TSPAN5: variants seen among roughly 807,000 people sequenced by gnomAD.
The protein encoded by TSPAN5 is tetraspanin 5.
In TSPAN5, 10 loss-of-function variants were observed where a neutral mutation model predicts 37.1. That is an observed-to-expected ratio of 0.27 (90% CI 0.17 to 0.46). The LOEUF (loss-of-function observed/expected upper bound fraction) is 0.46, where lower values mean the gene tolerates loss of function less well. TSPAN5 is among the 20% of genes least tolerant of loss of function. The pLI is 1.00. For missense variants in TSPAN5, 195 were observed against 326.6 expected, an observed-to-expected ratio of 0.60 and a Z score of 3.11; for synonymous variants, 110 against 118.9, an observed-to-expected ratio of 0.93 and a Z score of 0.48.
intron 2 of TSPAN5, chr4:98,500,401 A>G (rs769127950): frequency 6.6e-6 from 1 of 152,338 alleles, no homozygotes; most frequent in Non-Finnish European, 1.5e-5. Flanking sequence ...CCAAGGAGAA[A>G]AGCAATATGG....
intron 1 of TSPAN5, among the ~76,000 whole-genome samples, chr4:98,537,787 T>C (rs114856580): frequency 2.7e-3 from 413 of 152,318 alleles, no homozygotes; most frequent in Middle Eastern, 6.8e-3. Flanking sequence ...ATGGCTTCCA[T>C]CCACACCCCT....
chr4:98,477,805 T>A (rs1752740143), intron 5 of TSPAN5, among the ~76,000 whole-genome samples: 1 of 151,828 alleles, frequency 6.6e-6, no homozygotes, highest in South Asian at 2.1e-4. Context: ...ACCACGGGTG[T>A]GTGCCACCAC....
At chr4:98,543,777 A>T (rs1754412378) in intron 1 of TSPAN5, among the ~76,000 whole-genome samples, 1 of 152,098 alleles carries the variant, frequency 6.6e-6, no homozygotes, top group Non-Finnish European at 1.5e-5. Context: ...CAAATAATGC[A>T]TACCTTGAGA....
At chr4:98,475,738 C>T (rs928724061) in intron 7 of TSPAN5, among the ~76,000 whole-genome samples, 1 of 152,088 alleles carries the variant, frequency 6.6e-6, no homozygotes, top group Non-Finnish European at 1.5e-5. Context: ...TCCTGTAATC[C>T]CAGCACTTTG....
At chr4:98,589,350 G>A (rs1477674497) in intron 1 of TSPAN5, among the ~76,000 whole-genome samples, 2 of 152,204 alleles carry the variant, frequency 1.3e-5, no homozygotes, top group Admixed American at 1.3e-4. Flanking sequence ...AAGCATGACT[G>A]AGACCCAGAT....
chr4:98,554,801 C>T (rs1467170574), intron 1 of TSPAN5, among the ~76,000 whole-genome samples: 1 of 152,168 alleles, frequency 6.6e-6, no homozygotes, highest in Non-Finnish European at 1.5e-5. Flanking sequence ...ATTATAAGAA[C>T]CTTCTGAAAG....
intron 1 of TSPAN5, among the ~76,000 whole-genome samples, chr4:98,510,325 G>A (rs930325495): frequency 2.0e-5 from 3 of 152,128 alleles, no homozygotes; most frequent in Admixed American, 6.5e-5. Flanking sequence ...AAAAGTTGAG[G>A]CATTCAGGCT....
chr4:98,638,422 T>C (rs1023984698), intron 1 of TSPAN5, among the ~76,000 whole-genome samples: 8 of 152,152 alleles, frequency 5.3e-5, no homozygotes, highest in Non-Finnish European at 1.2e-4. Context: ...TGAACCATAC[T>C]TTGTGGGGGA....
chr4:98,519,440 T>C (rs1239933704), intron 1 of TSPAN5, among the ~76,000 whole-genome samples: 2 of 151,932 alleles, frequency 1.3e-5, no homozygotes, highest in East Asian at 1.9e-4. Flanking sequence ...CAAGGTTACA[T>C]TGAGGTATGA....
intron 1 of TSPAN5, among the ~76,000 whole-genome samples, chr4:98,517,089 C>CT (rs1753753201): frequency 6.6e-6 from 1 of 152,202 alleles, no homozygotes; most frequent in Non-Finnish European, 1.5e-5. Flanking sequence ...AGATCAATTG[C>CT]TTTCATGCTT....
intron 1 of TSPAN5, among the ~76,000 whole-genome samples, chr4:98,554,531 A>G (rs1234528593): frequency 2.0e-5 from 3 of 152,252 alleles, no homozygotes; most frequent in Non-Finnish European, 4.4e-5. Context: ...CACAATCATC[A>G]TTAAAATTCA....
chr4:98,529,723 G>A (rs1257465737), intron 1 of TSPAN5, among the ~76,000 whole-genome samples: 1 of 152,176 alleles, frequency 6.6e-6, no homozygotes, highest in East Asian at 1.9e-4. Flanking sequence ...TCTCCTCACT[G>A]CGTCTCAGAA....
intron 2 of TSPAN5, among the ~76,000 whole-genome samples, chr4:98,495,191 T>A (rs1753173868): frequency 6.6e-6 from 1 of 152,142 alleles, no homozygotes; most frequent in African/African-American, 2.4e-5. Context: ...GATCTGGCTG[T>A]TCAGTGGTTT....
At chr4:98,506,653 C>T (rs1753483398) in intron 2 of TSPAN5, among the ~76,000 whole-genome samples, 1 of 152,188 alleles carries the variant, frequency 6.6e-6, no homozygotes, top group Non-Finnish European at 1.5e-5. Flanking sequence ...TTCAAAGGAA[C>T]TCTCAGCTTC....
chr4:98,519,839 T>A (rs1017684638), intron 1 of TSPAN5, among the ~76,000 whole-genome samples: 1 of 152,200 alleles, frequency 6.6e-6, no homozygotes, highest in Admixed American at 6.5e-5. Context: ...GGTTCCACCA[T>A]TACTGGCTGT....
intron 1 of TSPAN5, among the ~76,000 whole-genome samples, chr4:98,533,539 A>G (rs902067313): frequency 1.6e-4 from 6 of 38,114 alleles, no homozygotes; most frequent in African/African-American, 9.1e-4. Context: ...GATATCCCCT[A>G]TATCTTTTTT....
intron 1 of TSPAN5, among the ~76,000 whole-genome samples, chr4:98,519,488 T>C (rs531970714): frequency 6.6e-6 from 1 of 151,218 alleles, no homozygotes; most frequent in East Asian, 1.9e-4. Flanking sequence ...AGACAGTGAG[T>C]CTGTTAGAAA....
At chr4:98,543,850 A>G (rs1383272683) in intron 1 of TSPAN5, among the ~76,000 whole-genome samples, 1 of 151,962 alleles carries the variant, frequency 6.6e-6, no homozygotes, top group East Asian at 1.9e-4. Flanking sequence ...TCCATCCTAT[A>G]CAGTTATAGA....
At chr4:98,548,691 T>C (rs1172161850) in intron 1 of TSPAN5, among the ~76,000 whole-genome samples, 4 of 152,158 alleles carry the variant, frequency 2.6e-5, no homozygotes, top group African/African-American at 9.7e-5. Flanking sequence ...CCACTATTTT[T>C]AGTCTTCAAT....
Sources: allele counts gnomAD v4.1 joint callset (sites outside exome capture counted in the v4.1 genomes callset), GRCh38; gene constraint gnomAD v4.1.1; transcripts MANE v1.5; gene names NCBI Gene and HGNC (gene_info 2026-07-23, HGNC 2026-07-21).